The following SLFN12L variants were observed in gnomAD, a reference collection of about 807,000 sequenced individuals.
SLFN12L encodes schlafen family member 12-like.
Under a neutral mutation model 34.8 loss-of-function variants are expected in SLFN12L, and 34 were observed. That is an observed-to-expected ratio of 0.98 (90% CI 0.74 to 1.30). The LOEUF is 1.30. Ranked by LOEUF, SLFN12L falls within the 50% of genes most tolerant of loss-of-function variation. The pLI is 0.00. For synonymous variants in SLFN12L, 259 were observed against 247.5 expected (o/e 1.05, Z -0.44); for missense variants, 703 against 696.2 (o/e 1.01, Z -0.11).
rs552844635 is a variant in SLFN12L, at chr17:35,467,266, G to T, written c.*7657C>A. ...GGAGCTAGGTGGAATATTACCGAAT[G>T]CTGGATGCCCTGGCCAACAAATGGC... On this transcript the variant is annotated 3_prime_UTR_variant, in exon 5 of 5. Coordinates refer to ENST00000628453, the MANE Select transcript of SLFN12L (RefSeq NM_001363830.2). 2.0e-5 allele frequency among the ~76,000 whole-genome samples: 3 copies of T among 152,360 alleles called. 1 individual carries two copies. In the South Asian group the frequency reaches 6.2e-4, roughly 32 times the overall value.
chr17:35,474,697 G>GGAT lies in SLFN12L; in HGVS notation c.*225_*226insATC, dbSNP rs1555538125. 2.8e-6 allele frequency: 1 copy of GGAT among 352,886 alleles called. No homozygotes were observed. Among genetic ancestry groups the GGAT allele is most frequent in the African/African-American group, 2.3e-5 (1 of 42,868 alleles). 21.9% of individuals were successfully genotyped at this position (352,886 alleles called of 1,614,324 possible). ...AGCACTTTGGGAGACCGGGGGGGGGGGTTGAATCACGAGGTCAGGAGTTCA... is the reference window on the plus strand; with the variant it reads ...AGCACTTTGGGAGACCGGGGGGGGGGGATGTTGAATCACGAGGTCAGGAGTTCA... On this transcript the variant is annotated 3_prime_UTR_variant, in exon 5 of 5. Transcript: ENST00000628453.
intron 2 of SLFN12L, chr17:35,487,988 C>A: frequency 1.5e-6 from 1 of 668,288 alleles, no homozygotes; most frequent in Non-Finnish European, 2.7e-6. Flanking sequence ...GAGGGTGGAT[C>A]ACCAGCTTAG....
At chr17:35,495,993 T>C (rs1219681495) in intron 2 of SLFN12L, among the ~76,000 whole-genome samples, 1 of 151,114 alleles carries the variant, frequency 6.6e-6, no homozygotes, top group Non-Finnish European at 1.5e-5. Flanking sequence ...TTCGGGGGCA[T>C]TTAAATTCCC....
intron 2 of SLFN12L, chr17:35,498,754 A>G (rs1915187743): frequency 8.2e-7 from 1 of 1,215,182 alleles, no homozygotes; most frequent in Non-Finnish European, 1.2e-6. Context: ...CACTACCTCC[A>G]AAGTGACAGC....
intron 2 of SLFN12L, 30 bp from the exon 3 acceptor site, chr17:35,480,225 T>C: frequency 1.3e-6 from 2 of 1,498,342 alleles, no homozygotes; most frequent in African/African-American, 1.4e-5. Flanking sequence ...GAATAGGAGT[T>C]AAGCCTGAGA....
At chr17:35,521,363 G>A (rs1445398546) in intron 2 of SLFN12L, among the ~76,000 whole-genome samples, 2 of 152,198 alleles carry the variant, frequency 1.3e-5, no homozygotes, top group African/African-American at 4.8e-5. Flanking sequence ...ATGAAAGAGG[G>A]AACTGAGTGA....
At chr17:35,492,569 C>A (rs572966790) in intron 2 of SLFN12L, among the ~76,000 whole-genome samples, 2 of 152,178 alleles carry the variant, frequency 1.3e-5, no homozygotes, top group Non-Finnish European at 2.9e-5. Context: ...GGCCAGACCC[C>A]GTTCCCCTTC....
intron 1 of SLFN12L, among the ~76,000 whole-genome samples, chr17:35,533,898 T>C (rs562987679): frequency 1.3e-5 from 2 of 150,916 alleles, no homozygotes; most frequent in Non-Finnish European, 2.9e-5. Flanking sequence ...CTGGCCAACA[T>C]AGTGAAACCT....
At chr17:35,518,145 C>T (rs1915889214) in intron 2 of SLFN12L, among the ~76,000 whole-genome samples, 1 of 152,196 alleles carries the variant, frequency 6.6e-6, no homozygotes, top group Admixed American at 6.5e-5. Context: ...AATCTACCAT[C>T]TGACAAAGGT....
chr17:35,490,595 T>C, intron 2 of SLFN12L: 1 of 825,318 alleles, frequency 1.2e-6, no homozygotes, highest in Non-Finnish European at 2.1e-6. Flanking sequence ...TGTCAAGGCC[T>C]GTCAAAAGAA....
Position 35,493,245 on chromosome 17 carries a change from G to A in SLFN12L, c.87-13050C>T, listed in dbSNP as rs181268290. 7.2e-5 allele frequency among the ~76,000 whole-genome samples: 11 copies of A among 152,322 alleles called. No homozygotes were observed. The East Asian group carries it at 9.6e-4, about 13-fold the overall frequency. On this transcript the variant is annotated intron_variant, in intron 2 of 4. Coordinates refer to ENST00000628453, the MANE Select transcript of SLFN12L (RefSeq NM_001363830.2). ...TGGTCCTAGAGGAAGCATTGGGGTG[G>A]GGGAGGGAGAGGGAGCTTTGTGTAA...
rs1913760721 is a variant in SLFN12L, at chr17:35,469,184, T to C, written c.*5739A>G. On this transcript the variant is annotated 3_prime_UTR_variant, in exon 5 of 5. Coordinates refer to ENST00000628453, the MANE Select transcript of SLFN12L (RefSeq NM_001363830.2). Reference sequence around the variant, plus strand: ...ACTTCCTGCCCTGTGTCTCTGACCATGACCACTCCTCCTTGGTTATACACA... The same window carrying C: ...ACTTCCTGCCCTGTGTCTCTGACCACGACCACTCCTCCTTGGTTATACACA... Among the ~76,000 whole-genome samples the C allele has an allele frequency of 6.7e-6, 1 of 150,204 alleles. No individual in the cohort carries two copies. Among genetic ancestry groups the C allele is most frequent in the African/African-American group, 2.5e-5 (1 of 40,614 alleles).
chr17:35,496,284 G>C (rs1340791203), intron 2 of SLFN12L, among the ~76,000 whole-genome samples: 1 of 152,076 alleles, frequency 6.6e-6, no homozygotes, highest in East Asian at 1.9e-4. Context: ...AGGAAATCAA[G>C]GCTACATCAG....
At chr17:35,501,147 C>T (rs1030093970) in intron 2 of SLFN12L, among the ~76,000 whole-genome samples, 2 of 152,250 alleles carry the variant, frequency 1.3e-5, no homozygotes, top group Non-Finnish European at 2.9e-5. Flanking sequence ...CTTAGGCCTG[C>T]TCTGTGGAGC....
At chr17:35,537,447 G>T (rs1359416772) in intron 1 of SLFN12L, 126 bp downstream of exon 1, 4 of 152,142 alleles carry the variant, frequency 2.6e-5, no homozygotes, top group Non-Finnish European at 5.9e-5. Flanking sequence ...GCCTAAAGTG[G>T]GTATATCTGG....
At chr17:35,535,362 T>A (rs554907188) in intron 1 of SLFN12L, among the ~76,000 whole-genome samples, 1 of 151,604 alleles carries the variant, frequency 6.6e-6, no homozygotes, top group Non-Finnish European at 1.5e-5. Flanking sequence ...AGCTAATTTT[T>A]TTTTTTTTAT....
intron 2 of SLFN12L, among the ~76,000 whole-genome samples, chr17:35,497,908 G>A (rs982657891): frequency 1.3e-5 from 2 of 152,202 alleles, no homozygotes; most frequent in Non-Finnish European, 2.9e-5. Context: ...TCTTGGGCCA[G>A]GCGAAGTGGC....
intron 2 of SLFN12L, among the ~76,000 whole-genome samples, chr17:35,486,987 C>T (rs561207182): frequency 6.6e-6 from 1 of 152,370 alleles, no homozygotes; most frequent in Admixed American, 6.5e-5. Context: ...CACCCTTTCC[C>T]TCTTCTAGAT....
chr17:35,522,399 G>C lies in SLFN12L; in HGVS notation c.-35C>G, dbSNP rs776927026. On this transcript the variant is annotated 5_prime_UTR_variant, in exon 2 of 5. Transcript: ENST00000628453. ...GGCCATGATGGTCTTTCCTAAGCCA[G>C]GTAAGCCATGGACAAACAATTCTCT... 1.2e-6 allele frequency: 2 copies of C among 1,614,174 alleles called. No individual in the cohort carries two copies. The highest frequency in any genetic ancestry group is 8.5e-7 in the Non-Finnish European group (1 of 1,180,024).
Sources: allele counts gnomAD v4.1 joint callset (sites outside exome capture counted in the v4.1 genomes callset), GRCh38; gene constraint gnomAD v4.1.1; transcripts MANE v1.5; gene names NCBI Gene and HGNC (gene_info 2026-07-23, HGNC 2026-07-21).